Variants in RBCK1 observed in about 807,000 individuals in gnomAD.
RBCK1 encodes RANBP2-type and C3HC4-type zinc finger containing 1, also known as ranBP-type and C3HC4-type zinc finger-containing protein 1.
Under a neutral mutation model 71.1 loss-of-function variants are expected in RBCK1, and 44 were observed. The ratio of observed to expected loss-of-function variants is 0.62; its 90% confidence interval spans 0.49 to 0.80. The LOEUF is 0.80. Among genes scored for constraint, RBCK1 ranks in the 30% least tolerant of loss-of-function variants. The pLI is 0.00. For synonymous variants in RBCK1, 306 were observed against 279.7 expected (o/e 1.09, Z -0.94); for missense variants, 569 against 685.0 (o/e 0.83, Z 1.89).
At position 422,105 on chromosome 20, in the gene RBCK1, CTT is replaced by C. The variant is rs1440664609; in HGVS notation, c.918-19_918-18del. ...GAAGGGGGTTCCTATGATCCTAACT[CTT>C]TTCCCCTCCCCTCCCCTAGGGAGTG... is the stretch of plus-strand genomic sequence containing the variant. On this transcript the variant is annotated intron_variant, in intron 7 of 11. Transcript: ENST00000356286. The surrounding 1 kb of genome is among the most constrained non-coding windows in gnomAD (Gnocchi z 5.0). 1.9e-5 allele frequency: 31 copies of C among 1,596,688 alleles called. No homozygotes were observed. In the Admixed American group the frequency reaches 3.8e-4, roughly 20 times the overall value.
At chr20:427,834 C>T (rs986833364) in intron 9 of RBCK1, among the ~76,000 whole-genome samples, 1 of 152,174 alleles carries the variant, frequency 6.6e-6, no homozygotes, top group Non-Finnish European at 1.5e-5. Context: ...TCTGACCAAA[C>T]CTGACCCTGC....
rs141273274 is a variant in RBCK1, at chr20:423,921, C to T, written c.1029+1683C>T. Among the ~76,000 whole-genome samples the T allele has an allele frequency of 4.4e-4, 67 of 152,308 alleles. 1 individual carries two copies. In the East Asian group the frequency reaches 0.01, roughly 24 times the overall value. On this transcript the variant is annotated intron_variant, in intron 8 of 11. Coordinates refer to ENST00000356286, the MANE Select transcript of RBCK1 (RefSeq NM_031229.4). The stretch of plus-strand genomic sequence containing the variant: ...ATGTCTCACCCACCAGCAGGCTGCC[C>T]GGGCCTTCTCATGTCATGGTGGTCT...
intron 1 of RBCK1, 43 bp downstream of exon 1, chr20:408,822 G>T: frequency 6.3e-7 from 1 of 1,595,104 alleles, no homozygotes. Flanking sequence ...CCGGTGGGAA[G>T]TGGGCCCCGC....
At chr20:423,520 AT>A (rs1436988974) in intron 8 of RBCK1, among the ~76,000 whole-genome samples, 1 of 152,218 alleles carries the variant, frequency 6.6e-6, no homozygotes, top group Non-Finnish European at 1.5e-5. Context: ...AAAAATTACA[AT>A]AAAAAACAAA....
rs559653039 is a variant in RBCK1 at position 425,291 on chromosome 20, G to A, written c.1030-2022G>A. On this transcript the variant is annotated intron_variant, in intron 8 of 11. Transcript: ENST00000356286. ...CTCCCAAAGTGCTAGGATTACAGGCGTGAGCCACCGTGCCCAGCCAGATAT... is the reference window on the plus strand; with the variant it reads ...CTCCCAAAGTGCTAGGATTACAGGCATGAGCCACCGTGCCCAGCCAGATAT... Among the ~76,000 whole-genome samples, 14 of 152,288 alleles carry A rather than the reference G, an allele frequency of 9.2e-5. No individual in the cohort carries two copies. The East Asian group carries it at 1.9e-3, about 21-fold the overall frequency.
chr20:420,155 C>T, intron 6 of RBCK1: 3 of 985,218 alleles, frequency 3.0e-6, no homozygotes, highest in Non-Finnish European at 3.6e-6. Context: ...TGACCTCACC[C>T]TGGACTCTCC....
Position 428,445 on chromosome 20 carries a change from A to G in RBCK1, c.1210-46A>G, listed in dbSNP as rs1298678555. On this transcript the variant is annotated intron_variant, in intron 9 of 11. Coordinates refer to ENST00000356286, the MANE Select transcript of RBCK1 (RefSeq NM_031229.4). This position sits in a 1 kb window ranked among gnomAD's most constrained non-coding sequence, Gnocchi z 5.7. ...TGCACCTCACCTCTCCCAGCTTCTT[A>G]ACCCCCTGAGGAACCTTCTTACCTT... 7.0e-7 allele frequency: 1 copy of G among 1,433,898 alleles called. No individual in the cohort carries two copies. Among genetic ancestry groups the G allele is most frequent in the Non-Finnish European group, 9.5e-7 (1 of 1,055,428 alleles). 88.8% of individuals were successfully genotyped at this position (1,433,898 alleles called of 1,614,324 possible).
At chr20:409,759 G>A (rs2015588136) in intron 1 of RBCK1, 122 bp from the exon 2 acceptor site, 1 of 1,441,764 alleles carries the variant, frequency 6.9e-7, no homozygotes, top group African/African-American at 1.4e-5. Flanking sequence ...GGATACGTAG[G>A]AGTTCACCAG....
rs892626805 is a variant in RBCK1, at chr20:410,356, C to T, written c.167+331C>T. 28 of 763,788 alleles carry T rather than the reference C, an allele frequency of 3.7e-5. No individual in the cohort carries two copies. In the African/African-American group the frequency reaches 4.4e-4, roughly 12 times the overall value. The allele number at this position is 763,788 out of a possible 1,614,324, so 47.3% of individuals were successfully genotyped here. A position where few individuals can be genotyped will look rare whatever the true frequency, so the allele number is the denominator to read the frequency against. On this transcript the variant is annotated intron_variant, in intron 2 of 11. Transcript: ENST00000356286. ...AGTCCAGATAGGGAGGTTCTGCTCC[C>T]GACAGTCCTCAGAGGCTCATATTGT...
chr20:427,672 G>A (rs902292590), intron 9 of RBCK1, among the ~76,000 whole-genome samples, 180 bp downstream of exon 9: 5 of 152,052 alleles, frequency 3.3e-5, no homozygotes, highest in Non-Finnish European at 5.9e-5. Context: ...CCCCACAGAC[G>A]GAGTCCCAGC....
At chr20:416,382 G>C (rs1395594179) in intron 2 of RBCK1, among the ~76,000 whole-genome samples, 2 of 151,590 alleles carry the variant, frequency 1.3e-5, no homozygotes, top group South Asian at 2.1e-4. Flanking sequence ...GGATGGTCTC[G>C]ATCTCCTGAC....
At chr20:421,856 G>T in intron 7 of RBCK1, 1 of 469,176 alleles carries the variant, frequency 2.1e-6, no homozygotes, top group Non-Finnish European at 3.9e-6. Context: ...GGGGCCAGAT[G>T]GATGCAGGGA....
chr20:420,890 A>AGG lies in RBCK1; in HGVS notation c.779_780dup (p.Asn261GlyfsTer16). 6 of 1,549,764 alleles carry AGG rather than the reference A, an allele frequency of 3.9e-6. No homozygotes were observed. The highest frequency in any genetic ancestry group is 5.2e-6 in the Non-Finnish European group (6 of 1,150,046). ...GCCCAGCGGAAGCAGCAGCAGCAGG[A>AGG]GGGGAACTACCTGCAGCACGTCCAG... is the stretch of plus-strand genomic sequence containing the variant. On this transcript the variant is annotated frameshift_variant, in exon 7 of 12. Coordinates refer to ENST00000356286, the MANE Select transcript of RBCK1 (RefSeq NM_031229.4). LOFTEE classifies it high-confidence loss of function.
chr20:415,729 T>C (rs1388897498), intron 2 of RBCK1, among the ~76,000 whole-genome samples: 1 of 152,200 alleles, frequency 6.6e-6, no homozygotes, highest in African/African-American at 2.4e-5. Flanking sequence ...CTGGGTAATT[T>C]GTAAAGAAAA....
chr20:430,474 C>G lies in RBCK1; in HGVS notation c.*44C>G. ...ACATGCTGACCCAGCCCCACATCCA[C>G]ATTCTGTTAGAATGTAGCTCAGGGA... is the stretch of plus-strand genomic sequence containing the variant. On this transcript the variant is annotated 3_prime_UTR_variant, in exon 12 of 12. Transcript: ENST00000356286. This position sits in a 1 kb window ranked among gnomAD's most constrained non-coding sequence, Gnocchi z 5.6. 6.5e-7 allele frequency: 1 copy of G among 1,545,452 alleles called. No individual in the cohort carries two copies. The highest frequency in any genetic ancestry group is 8.9e-7 in the Non-Finnish European group (1 of 1,117,942).
chr20:421,064 G>C (rs2016403973), intron 7 of RBCK1, 33 bp downstream of exon 7: 2 of 1,506,664 alleles, frequency 1.3e-6, no homozygotes, highest in Non-Finnish European at 1.8e-6. Flanking sequence ...CGGCAATGCA[G>C]CTTAATCAAA....
chr20:426,917 CT>C lies in RBCK1; in HGVS notation c.1030-395del, dbSNP rs1360213638. 8.6e-5 allele frequency among the ~76,000 whole-genome samples: 12 copies of C among 138,822 alleles called. 1 individual carries two copies. Among genetic ancestry groups the C allele is most frequent in the Admixed American group, 7.2e-4 (9 of 12,424 alleles). The allele number at this position is 138,822 out of a possible 152,430, so 91.1% of individuals were successfully genotyped here. ...CATGGCTCACTGCATCCTTGACCTT[CT>C]GGGCTCAAGCGATCCTCACAACCCA... On this transcript the variant is annotated intron_variant, in intron 8 of 11. Coordinates refer to ENST00000356286, the MANE Select transcript of RBCK1 (RefSeq NM_031229.4).
In RBCK1 at chr20:422,332, T is replaced by G; in HGVS notation, c.1029+94T>G. Reference sequence around the variant, plus strand: ...CAGACATCTTTCTTTTCTTTCTTTTTTTTTTTTGGAGATGGGGTCTCACTA... The same window carrying G: ...CAGACATCTTTCTTTTCTTTCTTTTGTTTTTTTGGAGATGGGGTCTCACTA... On this transcript the variant is annotated intron_variant, in intron 8 of 11. Coordinates refer to ENST00000356286, the MANE Select transcript of RBCK1 (RefSeq NM_031229.4). The surrounding 1 kb of genome is among the most constrained non-coding windows in gnomAD (Gnocchi z 5.0). 9.2e-7 allele frequency: 1 copy of G among 1,082,860 alleles called. No homozygotes were observed. The highest frequency in any genetic ancestry group is 1.6e-5 in the African/African-American group (1 of 63,046). 67.1% of individuals were successfully genotyped at this position (1,082,860 alleles called of 1,614,324 possible). A position where few individuals can be genotyped will look rare whatever the true frequency, so the allele number is the denominator to read the frequency against.
chr20:421,050 C>T lies in RBCK1; in HGVS notation c.917+19C>T, dbSNP rs1473845806. ...TCTGCAGGTGCGGCCCCCAGTCCCA[C>T]CCCCGGCAATGCAGCTTAATCAAAG... On this transcript the variant is annotated intron_variant, in intron 7 of 11. Transcript: ENST00000356286. 12 of 1,525,764 alleles carry T rather than the reference C, an allele frequency of 7.9e-6. No homozygotes were observed. Among genetic ancestry groups the T allele is most frequent in the African/African-American group, 1.4e-5 (1 of 72,398 alleles). 94.5% of individuals were successfully genotyped at this position (1,525,764 alleles called of 1,614,324 possible).
Sources: allele counts gnomAD v4.1 joint callset (sites outside exome capture counted in the v4.1 genomes callset), GRCh38; gene constraint gnomAD v4.1.1; non-coding constraint Gnocchi (gnomAD v3.1); transcripts MANE v1.5; gene names NCBI Gene and HGNC (gene_info 2026-07-23, HGNC 2026-07-21).